LMO2: variants seen among roughly 807,000 people sequenced by gnomAD.
The protein encoded by LMO2 is rhombotin-2.
LMO2 carries 20 observed loss-of-function variants against 23.2 expected under a neutral mutation model. The observed-to-expected ratio is 0.86, with a 90% confidence interval of 0.61 to 1.25. LMO2 has a LOEUF of 1.25. LMO2 is among the 50% of genes most tolerant of loss of function. The probability of loss-of-function intolerance (pLI) is 0.00; values close to 1 mark genes in which losing one functional copy is unlikely to be tolerated. For synonymous variants in LMO2, 123 were observed against 130.2 expected (o/e 0.94, Z 0.38); for missense variants, 270 against 315.3 (o/e 0.86, Z 1.09).
rs79723618 is a variant in LMO2, at chr11:33,875,959, C to G, written c.-272+5865G>C. On this transcript the variant is annotated intron_variant, in intron 2 of 5. Transcript: ENST00000257818. ...CTATTATCTGGCCTCTGCTGCCCCC[C>G]TGTCCTTTTCTCCAGCATGCCCCTT... Among the ~76,000 whole-genome samples, 772 of 152,360 alleles carry G rather than the reference C, an allele frequency of 5.1e-3. 11 individuals carry two copies. Among genetic ancestry groups the G allele is most frequent in the African/African-American group, 0.017 (710 of 41,580 alleles).
At chr11:33,867,462 C>T (rs1035117842) in intron 4 of LMO2, among the ~76,000 whole-genome samples, 8 of 152,144 alleles carry the variant, frequency 5.3e-5, no homozygotes, top group Non-Finnish European at 1.2e-4. Flanking sequence ...AGTGGACAAT[C>T]CAAGACAATG....
intron 1 of LMO2, among the ~76,000 whole-genome samples, chr11:33,887,532 G>T (rs1376385065): frequency 1.4e-5 from 2 of 138,216 alleles, no homozygotes; most frequent in Non-Finnish European, 3.0e-5. Context: ...AAGTCTCCAG[G>T]AATGTGGATT....
chr11:33,871,643 A>G (rs1217217070), intron 2 of LMO2, among the ~76,000 whole-genome samples: 5 of 150,630 alleles, frequency 3.3e-5, no homozygotes, highest in Non-Finnish European at 5.9e-5. Context: ...AAAAGAAAAT[A>G]CTTAGAATTT....
At position 33,869,928 on chromosome 11, in the gene LMO2, C is replaced by G; in HGVS notation, c.-212G>C. ...TGCGTCTCTCTCCGGGCTTCCTCCT[C>G]TCTCGGGAAGGTCTATTTTCGCTCA... On this transcript the variant is annotated 5_prime_UTR_variant, in exon 3 of 6. Transcript: ENST00000257818. The G allele has an allele frequency of 9.5e-7, 1 of 1,050,036 alleles. No homozygotes were observed. The highest frequency in any genetic ancestry group is 1.1e-6 in the Non-Finnish European group (1 of 871,206). 65.0% of individuals were successfully genotyped at this position (1,050,036 alleles called of 1,614,324 possible).
chr11:33,874,313 G>A (rs969313958), intron 2 of LMO2, among the ~76,000 whole-genome samples: 5 of 152,146 alleles, frequency 3.3e-5, no homozygotes, highest in African/African-American at 9.7e-5. Context: ...CATTTCAACC[G>A]AGCCTTAGGA....
chr11:33,869,807 G>A lies in LMO2; in HGVS notation c.-91C>T, dbSNP rs985524954. On this transcript the variant is annotated 5_prime_UTR_variant, in exon 3 of 6. Transcript: ENST00000257818. ...GGGGATGGTGTGCGCCCGCCCGGCC[G>A]CCCGGAGCCCCTCGCACCTTCGGCC... 2.7e-6 allele frequency: 3 copies of A among 1,108,268 alleles called. No homozygotes were observed. Among genetic ancestry groups the A allele is most frequent in the Non-Finnish European group, 1.1e-6 (1 of 910,394 alleles). 68.7% of individuals were successfully genotyped at this position (1,108,268 alleles called of 1,614,324 possible). A position where few individuals can be genotyped will look rare whatever the true frequency, so the allele number is the denominator to read the frequency against.
intron 2 of LMO2, among the ~76,000 whole-genome samples, chr11:33,875,578 CAAAAAA>C: frequency 8.7e-6 from 1 of 115,144 alleles, no homozygotes; most frequent in South Asian, 2.9e-4. Flanking sequence ...AACTCCTTCT[CAAAAAA>C]AAAAAAAAAA....
At chr11:33,871,593 G>T (rs201041068) in intron 2 of LMO2, among the ~76,000 whole-genome samples, 1 of 112,718 alleles carries the variant, frequency 8.9e-6, no homozygotes, top group Non-Finnish European at 1.8e-5. Flanking sequence ...AAAAAAAGTT[G>T]GGTTTTTTTT....
At chr11:33,859,656 A>C (rs1856496758) in intron 5 of LMO2, 81 bp from the exon 6 acceptor site, 1 of 1,314,690 alleles carries the variant, frequency 7.6e-7, no homozygotes, top group African/African-American at 1.5e-5. Context: ...AGCCCTAGAA[A>C]GGAGGCCGAA....
chr11:33,879,470 A>AG (rs1201506808), intron 2 of LMO2, among the ~76,000 whole-genome samples: 2 of 151,662 alleles, frequency 1.3e-5, no homozygotes, highest in Admixed American at 1.3e-4. Flanking sequence ...AAAAAAAAAA[A>AG]AAAAAAAAAT....
In LMO2 at chr11:33,859,321, T is replaced by A; in HGVS notation, c.*35A>T. The A allele has an allele frequency of 6.5e-7, 1 of 1,534,760 alleles. No homozygotes were observed. The highest frequency in any genetic ancestry group is 9.0e-7 in the Non-Finnish European group (1 of 1,109,664). On this transcript the variant is annotated 3_prime_UTR_variant, in exon 6 of 6. Coordinates refer to ENST00000257818, the MANE Select transcript of LMO2 (RefSeq NM_005574.4). The stretch of plus-strand genomic sequence containing the variant: ...GATGCCATGGAGACGGCGTCTTCAG[T>A]GAACACCTCCCCAAAGATGCCCGGG...
Position 33,880,624 on chromosome 11 carries a change from G to A in LMO2, c.-272+1200C>T, listed in dbSNP as rs1857259135. On this transcript the variant is annotated intron_variant, in intron 2 of 5. Coordinates refer to ENST00000257818, the MANE Select transcript of LMO2 (RefSeq NM_005574.4). The surrounding 1 kb of genome is among the most constrained non-coding windows in gnomAD (Gnocchi z 4.3). ...ACCCAACAATATTTATGTGCTTAAT[G>A]CCACTGAACTGTACCCTTGGGAGTG... The A allele has an allele frequency of 1.3e-5, 2 of 153,422 alleles. 1 individual carries two copies. Among genetic ancestry groups the A allele is most frequent in the South Asian group, 4.1e-4 (2 of 4,904 alleles). The allele number at this position is 153,422 out of a possible 1,614,324, so 9.5% of individuals were successfully genotyped here.
intron 2 of LMO2, among the ~76,000 whole-genome samples, chr11:33,875,381 C>T (rs1489572061): frequency 6.6e-6 from 1 of 152,058 alleles, no homozygotes; most frequent in Non-Finnish European, 1.5e-5. Flanking sequence ...AGTTCGAGAC[C>T]AGCCTGGCCA....
In LMO2 at chr11:33,864,831, C is replaced by G. The variant is rs1856721955; in HGVS notation, c.249-14G>C. 1.2e-6 allele frequency: 2 copies of G among 1,610,784 alleles called. No homozygotes were observed. The highest frequency in any genetic ancestry group is 1.7e-6 in the Non-Finnish European group (2 of 1,178,360). On this transcript the variant is annotated splice_polypyrimidine_tract_variant and intron_variant, in intron 4 of 5. Coordinates refer to ENST00000257818, the MANE Select transcript of LMO2 (RefSeq NM_005574.4). The surrounding 1 kb of genome is among the most constrained non-coding windows in gnomAD (Gnocchi z 4.8). ...TCCACTGGTTCCCTGGAGAGAAGGC[C>G]AAGCATCAGGGACAGCCTCACCAGA...
chr11:33,868,765 T>G (rs1422890774), intron 4 of LMO2, among the ~76,000 whole-genome samples: 2 of 152,156 alleles, frequency 1.3e-5, no homozygotes, highest in East Asian at 1.9e-4. Flanking sequence ...TCAGATTTAC[T>G]CCGGATTTCG....
intron 2 of LMO2, among the ~76,000 whole-genome samples, chr11:33,874,971 T>G (rs1857102243): frequency 6.6e-6 from 1 of 152,252 alleles, no homozygotes; most frequent in Non-Finnish European, 1.5e-5. Context: ...TGTGTCCTAG[T>G]GGAAGGGGCC....
chr11:33,887,570 G>A (rs1565038346), intron 1 of LMO2, among the ~76,000 whole-genome samples: 7 of 141,922 alleles, frequency 4.9e-5, no homozygotes, highest in African/African-American at 1.8e-4. Context: ...TTTGAGACAG[G>A]GTCTTGCTCT....
Position 33,869,642 on chromosome 11 carries a change from AGGCGGG to A in LMO2, c.7+62_8-57del, listed in dbSNP as rs925346431. 104 of 1,255,948 alleles carry A rather than the reference AGGCGGG, an allele frequency of 8.3e-5. 1 individual carries two copies. The Admixed American group carries it at 1.0e-3, about 12-fold the overall frequency. 77.8% of individuals were successfully genotyped at this position (1,255,948 alleles called of 1,614,324 possible). A position where few individuals can be genotyped will look rare whatever the true frequency, so the allele number is the denominator to read the frequency against. On this transcript the variant is annotated intron_variant, in intron 3 of 5. Coordinates refer to ENST00000257818, the MANE Select transcript of LMO2 (RefSeq NM_005574.4). ...CCGGGCTGCGGGCGCGCCGCGGCCG[AGGCGGG>A]GGCCGGGGCGCGCAGCCTGGCTCCA...
In LMO2 at chr11:33,864,811, T is replaced by C. The variant is rs1856720996; in HGVS notation, c.255A>G (p.Pro85=). Residue 85 remains proline, a synonymous_variant, in exon 5 of 6, where the codon CCA becomes CCG. Coordinates refer to ENST00000257818, the MANE Select transcript of LMO2 (RefSeq NM_005574.4). This position sits in a 1 kb window ranked among gnomAD's most constrained non-coding sequence, Gnocchi z 4.8. ...ERKSLDPSEE[P]VDEVLQIPPS... The stretch of plus-strand genomic sequence containing the variant: ...GGGGGATCTGCAGCACCTCATCCAC[T>C]GGTTCCCTGGAGAGAAGGCCAAGCA... The C allele has an allele frequency of 1.9e-6, 3 of 1,613,304 alleles. No individual in the cohort carries two copies. In the South Asian group the frequency reaches 3.3e-5, roughly 18 times the overall value.
Sources: allele counts gnomAD v4.1 joint callset (sites outside exome capture counted in the v4.1 genomes callset), GRCh38; gene constraint gnomAD v4.1.1; non-coding constraint Gnocchi (gnomAD v3.1); transcripts MANE v1.5; gene names NCBI Gene and HGNC (gene_info 2026-07-23, HGNC 2026-07-21).